Variants in MYO1E observed in about 807,000 individuals in gnomAD.
The protein encoded by MYO1E is unconventional myosin-Ie.
In MYO1E, 68 loss-of-function variants were observed where a neutral mutation model predicts 151.1. The observed-to-expected ratio is 0.45, with a 90% CI of 0.37 to 0.55. The LOEUF (loss-of-function observed/expected upper bound fraction) is 0.55, where lower values mean the gene tolerates loss of function less well. Ranked by LOEUF, MYO1E falls within the 20% of genes least tolerant of loss-of-function variation. The pLI, the probability that MYO1E is intolerant of heterozygous loss-of-function variation, is 0.00. For synonymous variants in MYO1E, 601 were observed against 501.7 expected (o/e 1.20, Z -2.64); for missense variants, 1,363 against 1,389.3 (o/e 0.98, Z 0.30).
chr15:59,160,377 G>GTA (rs1555407733), intron 24 of MYO1E, among the ~76,000 whole-genome samples: 14 of 141,966 alleles, frequency 9.9e-5, no homozygotes, highest in South Asian at 4.3e-4. Context: ...GTGTGTGTGT[G>GTA]TGTATGGTGT....
chr15:59,244,704 A>G (rs2080119528), intron 4 of MYO1E, among the ~76,000 whole-genome samples: 1 of 152,226 alleles, frequency 6.6e-6, no homozygotes, highest in Non-Finnish European at 1.5e-5. Flanking sequence ...TTTCAAATGC[A>G]AGATTTTAAC....
At chr15:59,229,900 T>C (rs1211469221) in intron 6 of MYO1E, among the ~76,000 whole-genome samples, 2 of 152,302 alleles carry the variant, frequency 1.3e-5, no homozygotes, top group Non-Finnish European at 2.9e-5. Flanking sequence ...ATATTGTAAA[T>C]ATTGTTCTGT....
chr15:59,262,465 C>G (rs539927715), intron 2 of MYO1E, among the ~76,000 whole-genome samples: 25 of 151,922 alleles, frequency 1.6e-4, no homozygotes, highest in East Asian at 3.9e-4. Flanking sequence ...AAAACAAAAA[C>G]AAAAACAAAA....
At chr15:59,142,058 G>C (rs1043548688) in intron 26 of MYO1E, among the ~76,000 whole-genome samples, 1 of 151,658 alleles carries the variant, frequency 6.6e-6, no homozygotes. Flanking sequence ...AGTGAGCCGA[G>C]AGCGTGCCAC....
intron 26 of MYO1E, among the ~76,000 whole-genome samples, chr15:59,149,033 G>A (rs1483933621): frequency 6.9e-6 from 1 of 144,218 alleles, no homozygotes; most frequent in Non-Finnish European, 1.5e-5. Flanking sequence ...GTGGGTGGAT[G>A]AACTGTTTTT....
At chr15:59,154,190 C>A (rs2079497640) in intron 25 of MYO1E, among the ~76,000 whole-genome samples, 1 of 152,058 alleles carries the variant, frequency 6.6e-6, no homozygotes, top group Non-Finnish European at 1.5e-5. Flanking sequence ...CCTTCTTGGG[C>A]CTAAGAAAAA....
intron 15 of MYO1E, among the ~76,000 whole-genome samples, chr15:59,204,520 G>A (rs1037573702): frequency 2.0e-5 from 3 of 152,182 alleles, no homozygotes; most frequent in South Asian, 4.1e-4. Flanking sequence ...GCCTTGCCTC[G>A]CAAGCATGAT....
rs139112417 is a variant in MYO1E, at chr15:59,159,841, CTAAT to C, written c.2785+1228_2785+1231del. ...CTTTGCAGACAGATTTGAGAAATGG[CTAAT>C]TAATTAATTAATTTTTGAGATGGAG... On this transcript the variant is annotated intron_variant, in intron 24 of 27. Coordinates refer to ENST00000288235, the MANE Select transcript of MYO1E (RefSeq NM_004998.4). This position sits in a 1 kb window ranked among gnomAD's most constrained non-coding sequence, Gnocchi z 4.4. 3.8e-3 allele frequency among the ~76,000 whole-genome samples: 581 copies of C among 151,944 alleles called. No individual in the cohort carries two copies. The highest frequency in any genetic ancestry group is 5.8e-3 in the Non-Finnish European group (392 of 68,008).
chr15:59,178,050 C>G (rs1285897080), intron 19 of MYO1E, among the ~76,000 whole-genome samples: 3 of 152,242 alleles, frequency 2.0e-5, no homozygotes, highest in Non-Finnish European at 1.5e-5. Flanking sequence ...CTGTGTGAGG[C>G]TTTGGGTATA....
At chr15:59,147,159 G>C (rs2079446062) in intron 26 of MYO1E, among the ~76,000 whole-genome samples, 1 of 152,042 alleles carries the variant, frequency 6.6e-6, no homozygotes, top group African/African-American at 2.4e-5. Flanking sequence ...AATCTCACAA[G>C]GTGCCAAAAG....
intron 14 of MYO1E, 43 bp from the exon 15 acceptor site, chr15:59,205,528 G>A (rs1336482626): frequency 5.9e-6 from 9 of 1,532,668 alleles, no homozygotes; most frequent in Non-Finnish European, 8.1e-6. Context: ...TGAACAAAAT[G>A]TAATTAATTG....
chr15:59,138,201 C>T lies in MYO1E; in HGVS notation c.3247G>A (p.Glu1083Lys), dbSNP rs779320673. Residue 1083 changes from glutamate (E) to lysine (K), a missense_variant, in exon 27 of 28, where the codon GAA becomes AAA. By Grantham distance (56) the Glu-to-Lys change is moderately conservative. Coordinates refer to ENST00000288235, the MANE Select transcript of MYO1E (RefSeq NM_004998.4). Reference protein sequence around the residue: ...NANDIIDIIKEDPSGWWTGRL... With the variant: ...NANDIIDIIKKDPSGWWTGRL... ...AGCCAACCAGCCACACACTTACCTT[C>T]TTTGATAATATCAATAATGTCATTG... 3 of 1,614,094 alleles carry T rather than the reference C, an allele frequency of 1.9e-6. No individual in the cohort carries two copies. In the East Asian group the frequency reaches 6.7e-5, roughly 36 times the overall value.
At chr15:59,198,363 G>T (rs2079780496) in intron 16 of MYO1E, among the ~76,000 whole-genome samples, 1 of 152,192 alleles carries the variant, frequency 6.6e-6, no homozygotes, top group Non-Finnish European at 1.5e-5. Flanking sequence ...ACCTTCAACA[G>T]AGATGACAGC....
chr15:59,164,803 G>C (rs1270992548), intron 22 of MYO1E, among the ~76,000 whole-genome samples: 3 of 152,224 alleles, frequency 2.0e-5, no homozygotes, highest in South Asian at 2.1e-4. Context: ...TAGTGACCCA[G>C]AGGTGATGGA....
chr15:59,323,564 G>A (rs1246895173), intron 1 of MYO1E, among the ~76,000 whole-genome samples: 2 of 151,884 alleles, frequency 1.3e-5, no homozygotes, highest in African/African-American at 4.8e-5. Context: ...GCTGAGGCAG[G>A]AGAATGGCAT....
intron 12 of MYO1E, among the ~76,000 whole-genome samples, chr15:59,211,183 G>A (rs539142094): frequency 2.1e-5 from 3 of 142,438 alleles, no homozygotes; most frequent in Non-Finnish European, 4.5e-5. Context: ...CTGGATGACA[G>A]AGCGAAACTC....
chr15:59,217,012 G>A (rs1446050496), intron 10 of MYO1E, among the ~76,000 whole-genome samples: 1 of 152,040 alleles, frequency 6.6e-6, no homozygotes, highest in East Asian at 1.9e-4. Flanking sequence ...GCAGCAAGGG[G>A]CTGAGACCTC....
chr15:59,213,565 C>T (rs1253044627), intron 12 of MYO1E, among the ~76,000 whole-genome samples: 1 of 151,946 alleles, frequency 6.6e-6, no homozygotes, highest in Non-Finnish European at 1.5e-5. Context: ...CTCAAGCAAT[C>T]CTTTCACCTC....
intron 2 of MYO1E, 59 bp from the exon 3 acceptor site, chr15:59,261,568 T>G (rs2080224648): frequency 8.9e-7 from 1 of 1,118,594 alleles, no homozygotes; most frequent in South Asian, 1.2e-5. Context: ...TTTTTCAAAT[T>G]AAGTAACCAG....
Sources: gnomAD v4.1 joint callset for allele counts (sites outside exome capture counted in the v4.1 genomes callset) on GRCh38, gnomAD v4.1.1 for gene constraint, Gnocchi (gnomAD v3.1) non-coding constraint, MANE v1.5 for transcripts, NCBI Gene and HGNC (gene_info 2026-07-23, HGNC 2026-07-21) for gene names.